The following SARDH variants were observed in gnomAD, a reference collection of about 807,000 sequenced individuals.
The protein encoded by SARDH is sarcosine dehydrogenase.
Under a neutral mutation model 109.1 loss-of-function variants are expected in SARDH, and 95 were observed. That is an observed-to-expected ratio of 0.87 (90% CI 0.74 to 1.03). The LOEUF (loss-of-function observed/expected upper bound fraction) is 1.03, where lower values mean the gene tolerates loss of function less well. Ranked by LOEUF, SARDH falls within the 50% of genes least tolerant of loss-of-function variation. The pLI is 0.00. For synonymous variants in SARDH, 572 were observed against 534.8 expected (o/e 1.07, Z -0.96); for missense variants, 1,267 against 1,287.8 (o/e 0.98, Z 0.25).
Position 133,689,221 on chromosome 9 carries a change from C to T in SARDH, c.2069+1159G>A, listed in dbSNP as rs374328278. ...CTCTCCTCCTCTCCTTTCCCATCCT[C>T]TCCCCGAAGCTGCCACCATCATTTT... On this transcript the variant is annotated intron_variant, in intron 16 of 20. Coordinates refer to ENST00000439388, the MANE Select transcript of SARDH (RefSeq NM_001134707.2). Among the ~76,000 whole-genome samples, 426 of 150,212 alleles carry T rather than the reference C, an allele frequency of 2.8e-3. 1 individual carries two copies. Among genetic ancestry groups the T allele is most frequent in the Middle Eastern group, 0.017 (5 of 292 alleles).
chr9:133,695,347 G>A (rs1831245310), intron 14 of SARDH, among the ~76,000 whole-genome samples: 1 of 152,244 alleles, frequency 6.6e-6, no homozygotes, highest in African/African-American at 2.4e-5. Context: ...GGAGGCTGAG[G>A]CATGAGAATC....
chr9:133,713,220 A>G (rs1249816986), intron 8 of SARDH, 96 bp from the exon 9 acceptor site: 1 of 1,091,440 alleles, frequency 9.2e-7, no homozygotes, highest in African/African-American at 1.6e-5. Context: ...CAGGGTCTGC[A>G]GGGGCCCCTC....
rs970012320 is a variant in SARDH, at chr9:133,708,309, A to C, written c.1448T>G (p.Met483Arg). The C allele has an allele frequency of 1.2e-6, 2 of 1,612,992 alleles. No individual in the cohort carries two copies. The highest frequency in any genetic ancestry group is 2.7e-5 in the African/African-American group (2 of 74,886). Residue 483 changes from methionine (M) to arginine (R), a missense_variant, in exon 11 of 21, where the codon ATG (methionine) becomes AGG (arginine). Physicochemically the swap from Met to Arg is moderately conservative, Grantham distance 91 (BLOSUM62 -1). Coordinates refer to ENST00000439388, the MANE Select transcript of SARDH (RefSeq NM_001134707.2). ...PHDEPLAGRNMRRDPLHEELL... is the reference protein window; with the variant it reads ...PHDEPLAGRNRRRDPLHEELL... ...TACCTCGTGCAGCGGGTCTCTCCTC[A>C]TGTTGCGCCCGGCCAGCGGCTCATC... is the stretch of plus-strand genomic sequence containing the variant.
At chr9:133,701,514 T>G (rs1831485389) in intron 13 of SARDH, among the ~76,000 whole-genome samples, 1 of 152,268 alleles carries the variant, frequency 6.6e-6, no homozygotes, top group Non-Finnish European at 1.5e-5. Flanking sequence ...ACGTGTTTCG[T>G]GCTTTAGGAC....
In SARDH at chr9:133,712,533, C is replaced by T. The variant is rs1316139534; in HGVS notation, c.1328+86G>A. The T allele has an allele frequency of 1.1e-5, 13 of 1,233,612 alleles. No individual in the cohort carries two copies. Among genetic ancestry groups the T allele is most frequent in the East Asian group, 2.3e-5 (1 of 42,650 alleles). The allele number at this position is 1,233,612 out of a possible 1,614,324, so 76.4% of individuals were successfully genotyped here. On this transcript the variant is annotated intron_variant, in intron 10 of 20. Transcript: ENST00000439388. The surrounding 1 kb of genome is among the most constrained non-coding windows in gnomAD (Gnocchi z 4.1). Reference sequence around the variant, plus strand: ...GAAGCCACCTGGATTTCAGGCAAGGCTCCTTTCTCAGTAGCCCTCGCTGTT... The same window carrying T: ...GAAGCCACCTGGATTTCAGGCAAGGTTCCTTTCTCAGTAGCCCTCGCTGTT...
intron 6 of SARDH, among the ~76,000 whole-genome samples, chr9:133,721,756 T>C (rs1019206721): frequency 6.6e-6 from 1 of 152,166 alleles, no homozygotes; most frequent in African/African-American, 2.4e-5. Flanking sequence ...CAGTTATATA[T>C]ACACATGCAA....
intron 1 of SARDH, 55 bp from the exon 2 acceptor site, chr9:133,734,258 G>A: frequency 7.9e-7 from 1 of 1,259,570 alleles, no homozygotes; most frequent in Non-Finnish European, 1.1e-6. Context: ...TGGGGGCTGT[G>A]CTGAGTACCC....
intron 19 of SARDH, chr9:133,667,116 T>C (rs1432705375): frequency 1.7e-5 from 10 of 595,820 alleles, no homozygotes; most frequent in East Asian, 1.1e-4. Flanking sequence ...GGAGTGGACT[T>C]TGCTGTTTCC....
intron 2 of SARDH, 113 bp downstream of exon 2, chr9:133,733,730 G>C: frequency 1.9e-6 from 2 of 1,078,918 alleles, no homozygotes; most frequent in South Asian, 2.3e-5. Flanking sequence ...CTTCCCCAGG[G>C]TCTCTTCCCC....
chr9:133,663,001 C>G (rs1451028918), downstream of SARDH, among the ~76,000 whole-genome samples: 1 of 152,168 alleles, frequency 6.6e-6, no homozygotes, highest in East Asian at 1.9e-4. Flanking sequence ...CTCAAGGCAG[C>G]GTGCAGGGCA....
In SARDH at chr9:133,674,115, G is replaced by A. The variant is rs376633253; in HGVS notation, c.2164-2418C>T. On this transcript the variant is annotated intron_variant, in intron 17 of 20. Coordinates refer to ENST00000439388, the MANE Select transcript of SARDH (RefSeq NM_001134707.2). Reference sequence around the variant, plus strand: ...TCACGGAATCACTAGTTGTTGAGGCGTCTTACATTTTTCTCCACCAAAGCA... The same window carrying A: ...TCACGGAATCACTAGTTGTTGAGGCATCTTACATTTTTCTCCACCAAAGCA... Among the ~76,000 whole-genome samples the A allele has an allele frequency of 3.7e-4, 56 of 152,360 alleles. No homozygotes were observed. In the South Asian group the frequency reaches 7.5e-3, roughly 20 times the overall value.
chr9:133,705,153 G>A, intron 11 of SARDH, 122 bp from the exon 12 acceptor site: 4 of 921,490 alleles, frequency 4.3e-6, no homozygotes, highest in South Asian at 3.0e-5. Flanking sequence ...CTGACTCTTG[G>A]AACCAGGCCT....
At position 133,729,827 on chromosome 9, in the gene SARDH, T is replaced by C. The variant is rs147204692; in HGVS notation, c.853A>G (p.Lys285Glu). Residue 285 changes from lysine to glutamate, a missense_variant, in exon 6 of 21, where the codon AAG becomes GAG. By Grantham distance (56) the Lys-to-Glu change is moderately conservative. Transcript: ENST00000439388. ...TGGTGCATGGCCACCAGCGGGACCT[T>C]GACTCCAGCCATCCGGCCCACAGCA... ...ASAVGRMAGV[K>E]VPLVAMHHAY... The C allele has an allele frequency of 4.3e-6, 7 of 1,612,352 alleles. No individual in the cohort carries two copies. The African/African-American group carries it at 9.3e-5, about 22-fold the overall frequency.
intron 16 of SARDH, among the ~76,000 whole-genome samples, chr9:133,688,546 C>A (rs150391909): frequency 2.6e-5 from 4 of 152,152 alleles, no homozygotes; most frequent in Admixed American, 6.5e-5. Context: ...GAGACCCCCC[C>A]ACCAAAGCCC....
At chr9:133,670,023 C>T (rs1474473572) in intron 19 of SARDH, among the ~76,000 whole-genome samples, 1 of 152,230 alleles carries the variant, frequency 6.6e-6, no homozygotes, top group Non-Finnish European at 1.5e-5. Context: ...GGTGCGCAAC[C>T]TTACACTGGC....
intron 7 of SARDH, among the ~76,000 whole-genome samples, 162 bp from the exon 8 acceptor site, chr9:133,717,617 C>T (rs1832175783): frequency 6.6e-6 from 1 of 152,084 alleles, no homozygotes; most frequent in South Asian, 2.1e-4. Flanking sequence ...TCTCCCCCAC[C>T]CACCAACCCA....
At chr9:133,733,747 G>A in intron 2 of SARDH, 96 bp downstream of exon 2, 2 of 1,225,776 alleles carry the variant, frequency 1.6e-6, no homozygotes, top group Non-Finnish European at 2.1e-6. Context: ...CCCCAGGCTG[G>A]TTGTTGTGAA....
intron 1 of SARDH, among the ~76,000 whole-genome samples, chr9:133,738,043 G>A (rs561741173): frequency 8.5e-5 from 13 of 152,348 alleles, no homozygotes; most frequent in African/African-American, 1.2e-4. Flanking sequence ...TGGCACCTTC[G>A]CCTGGTGAGG....
At chr9:133,706,806 T>C (rs1384159553) in intron 11 of SARDH, among the ~76,000 whole-genome samples, 4 of 152,062 alleles carry the variant, frequency 2.6e-5, no homozygotes, top group African/African-American at 7.2e-5. Flanking sequence ...GGGGGCAGCA[T>C]CTGGTTCCAG....
Sources: gnomAD v4.1 joint callset for allele counts (sites outside exome capture counted in the v4.1 genomes callset) on GRCh38, gnomAD v4.1.1 for gene constraint, Gnocchi (gnomAD v3.1) non-coding constraint, MANE v1.5 for transcripts, NCBI Gene and HGNC (gene_info 2026-07-23, HGNC 2026-07-21) for gene names.